DNAH12: variants seen among roughly 807,000 people sequenced by gnomAD.
DNAH12 encodes the protein axonemal beta dynein heavy chain 12.
A neutral mutation model predicts 371.5 loss-of-function variants in DNAH12; 285 were observed. The ratio of observed to expected loss-of-function variants is 0.77; its 90% CI spans 0.70 to 0.85. The LOEUF (loss-of-function observed/expected upper bound fraction) is 0.85. DNAH12 is among the 40% of genes least tolerant of loss of function. DNAH12 has a pLI of 0.00. For synonymous variants in DNAH12, 1,200 were observed against 1,213.0 expected, an observed-to-expected ratio of 0.99 and a Z score of 0.22; for missense variants, 3,611 against 3,689.4, an observed-to-expected ratio of 0.98 and a Z score of 0.55.
chr3:57,360,012 C>T (rs1324308011), intron 58 of DNAH12, among the ~76,000 whole-genome samples: 1 of 152,112 alleles, frequency 6.6e-6, no homozygotes, highest in African/African-American at 2.4e-5. Context: ...TTATATTTTT[C>T]TCACTGTAAG....
chr3:57,498,606 T>G, intron 11 of DNAH12: 1 of 713,146 alleles, frequency 1.4e-6, no homozygotes, highest in Non-Finnish European at 2.6e-6. Context: ...GTAACTTTAT[T>G]CATAATAGCC....
chr3:57,551,561 C>G, the DNAH12 span, among the ~76,000 whole-genome samples: 5 of 151,960 alleles, frequency 3.3e-5, no homozygotes, highest in Admixed American at 2.0e-4. Context: ...TTAGCCACCG[C>G]GCCCGGCCAC....
chr3:57,531,767 C>CAAA (rs35142998), intron 2 of DNAH12, among the ~76,000 whole-genome samples: 91 of 50,230 alleles, frequency 1.8e-3, no homozygotes, highest in South Asian at 0.01. Flanking sequence ...CACTCCATCT[C>CAAA]AAAAAAAAAA....
intron 42 of DNAH12, among the ~76,000 whole-genome samples, chr3:57,404,615 G>A (rs1372406057): frequency 5.3e-5 from 8 of 152,266 alleles, no homozygotes; most frequent in Non-Finnish European, 1.2e-4. Context: ...AGCTACCTGG[G>A]AGGCTGAGGC....
intron 4 of DNAH12, among the ~76,000 whole-genome samples, chr3:57,511,801 C>T (rs1313077462): frequency 2.0e-5 from 3 of 152,078 alleles, no homozygotes; most frequent in African/African-American, 7.2e-5. Flanking sequence ...ATAAACATGG[C>T]ATCTCAAATC....
intron 70 of DNAH12, among the ~76,000 whole-genome samples, chr3:57,298,574 G>A (rs1291524521): frequency 6.6e-6 from 1 of 152,178 alleles, no homozygotes; most frequent in African/African-American, 2.4e-5. Flanking sequence ...CAGAATTTTT[G>A]TTACTTATAA....
intron 2 of DNAH12, among the ~76,000 whole-genome samples, chr3:57,525,000 A>G (rs1350090885): frequency 1.3e-5 from 2 of 152,146 alleles, no homozygotes; most frequent in African/African-American, 4.8e-5. Context: ...CTATAATGCT[A>G]GATATACTAG....
chr3:57,537,862 T>A (rs1363766985), intron 2 of DNAH12, among the ~76,000 whole-genome samples: 1 of 152,058 alleles, frequency 6.6e-6, no homozygotes, highest in Non-Finnish European at 1.5e-5. Context: ...TTTTTGTATT[T>A]TTAGCAGAGA....
chr3:57,454,936 G>A, intron 22 of DNAH12, 42 bp from the exon 23 acceptor site: 1 of 1,526,982 alleles, frequency 6.5e-7, no homozygotes, highest in East Asian at 2.5e-5. Context: ...AAGCTTGAAT[G>A]AGAAAAAATA....
chr3:57,399,387 A>G (rs1444142871), intron 43 of DNAH12, among the ~76,000 whole-genome samples: 3 of 151,618 alleles, frequency 2.0e-5, no homozygotes, highest in African/African-American at 7.3e-5. Flanking sequence ...AGAGTGGCCA[A>G]ATGGATTAAA....
intron 58 of DNAH12, among the ~76,000 whole-genome samples, chr3:57,362,625 G>A (rs2062961447): frequency 6.6e-6 from 1 of 152,194 alleles, no homozygotes. Context: ...CAGTGATGGT[G>A]AGCATTTTTT....
intron 2 of DNAH12, among the ~76,000 whole-genome samples, chr3:57,526,816 C>A (rs752276646): frequency 1.3e-5 from 2 of 151,792 alleles, no homozygotes; most frequent in Non-Finnish European, 2.9e-5. Context: ...AGCACTGCGC[C>A]CGGCCTCTTT....
rs182367506 is a variant in DNAH12, at chr3:57,324,665, C to T, written c.9979-1046G>A. ...CCACGCAGAAGAGGGGTGATTTCTGCATTTCCATCTGAGGTACTTGGTTCA... is the reference window on the plus strand; with the variant it reads ...CCACGCAGAAGAGGGGTGATTTCTGTATTTCCATCTGAGGTACTTGGTTCA... On this transcript the variant is annotated intron_variant, in intron 62 of 73. Coordinates refer to ENST00000495027, the MANE Select transcript of DNAH12 (RefSeq NM_001366028.2). Among the ~76,000 whole-genome samples, 441 of 152,286 alleles carry T rather than the reference C, an allele frequency of 2.9e-3. 1 individual carries two copies. The highest frequency in any genetic ancestry group is 0.01 in the African/African-American group (420 of 41,574).
At chr3:57,505,749 T>C (rs1379840859) in intron 8 of DNAH12, among the ~76,000 whole-genome samples, 3 of 151,776 alleles carry the variant, frequency 2.0e-5, no homozygotes, top group Non-Finnish European at 2.9e-5. Context: ...CCTGTTTCTG[T>C]TTTTTAAGAC....
intron 66 of DNAH12, among the ~76,000 whole-genome samples, chr3:57,311,800 T>C (rs1032304434): frequency 3.9e-5 from 6 of 152,360 alleles, no homozygotes; most frequent in South Asian, 2.1e-4. Context: ...TTTCAAACTT[T>C]AGTGCAACAG....
Position 57,408,373 on chromosome 3 carries a change from G to T in DNAH12, c.6183C>A (p.Ile2061=), listed in dbSNP as rs1553681941. ...NSFSDETMVR[I]FSSIVAFYLR... is the part of the protein sequence containing the mutation. ...GGTAGAATGCTACAATAGATGAGAAGATTCGGACCATAGTTTCATCACTAA... is the reference window on the plus strand; with the variant it reads ...GGTAGAATGCTACAATAGATGAGAATATTCGGACCATAGTTTCATCACTAA... The change falls in exon 40 of 74, where the codon ATC becomes ATA. Residue 2061 remains isoleucine (I), a synonymous_variant. Coordinates refer to ENST00000495027, the MANE Select transcript of DNAH12 (RefSeq NM_001366028.2). The T allele has an allele frequency of 7.7e-6, 12 of 1,551,464 alleles. No homozygotes were observed. The highest frequency in any genetic ancestry group is 1.0e-5 in the Non-Finnish European group (12 of 1,146,918).
intron 73 of DNAH12, 46 bp downstream of exon 73, chr3:57,295,479 T>G: frequency 6.6e-7 from 1 of 1,513,316 alleles, no homozygotes. Context: ...ATATCCATCC[T>G]TATTCTCCCT....
At chr3:57,314,097 T>A (rs1392049615) in intron 66 of DNAH12, among the ~76,000 whole-genome samples, 1 of 152,192 alleles carries the variant, frequency 6.6e-6, no homozygotes. Context: ...TTGATAGAGC[T>A]AAGCTGTAGA....
chr3:57,361,471 T>TATA (rs2062934544), intron 58 of DNAH12, among the ~76,000 whole-genome samples: 2 of 141,828 alleles, frequency 1.4e-5, no homozygotes, highest in Admixed American at 6.9e-5. Context: ...TATATATATA[T>TATA]CTCATTCAGC....
Sources: allele counts gnomAD v4.1 joint callset (sites outside exome capture counted in the v4.1 genomes callset), GRCh38; gene constraint gnomAD v4.1.1; transcripts MANE v1.5; gene names NCBI Gene and HGNC (gene_info 2026-07-23, HGNC 2026-07-21).